Variants in MATN2 observed in about 807,000 individuals in gnomAD.
MATN2 encodes matrilin-2.
MATN2 carries 69 observed loss-of-function variants against 103.2 expected under a neutral mutation model. That is an observed-to-expected ratio of 0.67 (90% CI 0.55 to 0.82). MATN2 has a LOEUF of 0.82. Among genes scored for constraint, MATN2 ranks in the 40% least tolerant of loss-of-function variants. MATN2 has a pLI of 0.00. For missense variants in MATN2, 1,023 were observed against 1,211.5 expected (o/e 0.84, Z 2.31); for synonymous variants, 429 against 450.2 (o/e 0.95, Z 0.60).
intron 10 of MATN2, among the ~76,000 whole-genome samples, chr8:98,013,333 G>C (rs900800083): frequency 6.6e-6 from 1 of 152,176 alleles, no homozygotes; most frequent in Admixed American, 6.5e-5. Context: ...TTGCAAGGTG[G>C]GTGTGTGGGA....
chr8:98,006,724 G>A (rs1030641764), intron 8 of MATN2, among the ~76,000 whole-genome samples: 2 of 152,194 alleles, frequency 1.3e-5, no homozygotes, highest in Admixed American at 6.5e-5. Flanking sequence ...TGCTGCTGTC[G>A]TCAACACCAG....
At chr8:97,962,424 C>T (rs1811346235) in intron 5 of MATN2, among the ~76,000 whole-genome samples, 1 of 152,164 alleles carries the variant, frequency 6.6e-6, no homozygotes, top group African/African-American at 2.4e-5. Context: ...TAATTCTTAG[C>T]TAGGGATGTG....
intron 13 of MATN2, among the ~76,000 whole-genome samples, chr8:98,021,940 G>A (rs912498889): frequency 2.0e-5 from 3 of 152,174 alleles, no homozygotes; most frequent in African/African-American, 7.2e-5. Flanking sequence ...ATGGATCAGT[G>A]AGTGTCTGAA....
chr8:97,890,624 G>A (rs546485227), intron 2 of MATN2, among the ~76,000 whole-genome samples: 6 of 152,100 alleles, frequency 3.9e-5, no homozygotes, highest in African/African-American at 9.7e-5. Flanking sequence ...TCCTTGCCCC[G>A]AGGGTATGAC....
rs933707038 is a variant in MATN2 at position 98,030,598 on chromosome 8, G to A, written c.2493G>A (p.Lys831=). 4 of 1,613,884 alleles carry A rather than the reference G, an allele frequency of 2.5e-6. No homozygotes were observed. The Middle Eastern group carries it at 5.0e-4, about 200-fold the overall frequency. ...STMDEISEKL[K]KGICEALEDS... ...TGGATGAGATAAGTGAAAAACTCAA[G>A]AAAGGCATCTGTGAAGGTACTATAG... The change falls in exon 15 of 19, where the codon AAG becomes AAA. Residue 831 remains lysine (K), a synonymous_variant. Coordinates refer to ENST00000254898, the MANE Select transcript of MATN2 (RefSeq NM_002380.5).
chr8:98,023,172 G>C (rs57475063), intron 13 of MATN2, among the ~76,000 whole-genome samples: 6,128 of 152,124 alleles, frequency 0.04, 398 homozygotes, highest in African/African-American at 0.14. Flanking sequence ...CTACTTGAGA[G>C]GCTGAGGCCA....
chr8:97,947,276 G>T (rs1178242403), intron 4 of MATN2, among the ~76,000 whole-genome samples: 2 of 152,192 alleles, frequency 1.3e-5, no homozygotes, highest in African/African-American at 4.8e-5. Flanking sequence ...GGAGGCTGAG[G>T]CAGGAGAATC....
chr8:98,000,453 C>T (rs28645335), intron 7 of MATN2, among the ~76,000 whole-genome samples: 4,571 of 151,456 alleles, frequency 0.03, 209 homozygotes, highest in African/African-American at 0.1. Flanking sequence ...AAAAATTAGC[C>T]GGGTGTGGTA....
chr8:98,004,949 C>A (rs190389774), intron 8 of MATN2, among the ~76,000 whole-genome samples: 1 of 152,298 alleles, frequency 6.6e-6, no homozygotes, highest in East Asian at 1.9e-4. Context: ...CCTTGGCATG[C>A]GGGAGAGGGG....
At position 98,007,375 on chromosome 8, in the gene MATN2, C is replaced by A; in HGVS notation, c.1451-104C>A. On this transcript the variant is annotated intron_variant, in intron 9 of 18. Transcript: ENST00000254898. The surrounding 1 kb of genome is among the most constrained non-coding windows in gnomAD (Gnocchi z 4.2). ...ATAGTGAGGATGTCCACTGGGACTG[C>A]ATGCCTTCGAGGGAGGGCGGGGTGA... is the stretch of plus-strand genomic sequence containing the variant. The A allele has an allele frequency of 6.4e-7, 1 of 1,552,396 alleles. No homozygotes were observed. The highest frequency in any genetic ancestry group is 1.2e-5 in the South Asian group (1 of 83,714).
intron 4 of MATN2, among the ~76,000 whole-genome samples, chr8:97,942,435 C>T (rs1384479515): frequency 6.6e-6 from 1 of 152,180 alleles, no homozygotes; most frequent in Non-Finnish European, 1.5e-5. Flanking sequence ...TATTAGAACT[C>T]GCATTCTCTT....
At chr8:98,027,865 A>C in intron 14 of MATN2, 36 bp downstream of exon 14, 1 of 1,513,188 alleles carries the variant, frequency 6.6e-7, no homozygotes, top group East Asian at 2.3e-5. Context: ...ACACCACTCA[A>C]GGTTCAGGTT....
chr8:97,987,042 C>T (rs907002164), intron 6 of MATN2, among the ~76,000 whole-genome samples: 3 of 151,064 alleles, frequency 2.0e-5, no homozygotes, highest in Non-Finnish European at 2.9e-5. Flanking sequence ...AGGGTTTCAT[C>T]GTGTTAGCCA....
chr8:97,878,884 C>T (rs989540448), intron 1 of MATN2, among the ~76,000 whole-genome samples: 2 of 152,022 alleles, frequency 1.3e-5, no homozygotes, highest in Non-Finnish European at 2.9e-5. Context: ...AGATGTTATC[C>T]TCCTATTACA....
intron 11 of MATN2, among the ~76,000 whole-genome samples, chr8:98,017,614 C>T (rs952185024): frequency 5.9e-5 from 9 of 152,220 alleles, no homozygotes; most frequent in African/African-American, 2.2e-4. Flanking sequence ...CTAAGTCATA[C>T]ACTATGTTAG....
At chr8:97,900,760 T>G (rs951673373) in intron 2 of MATN2, among the ~76,000 whole-genome samples, 1 of 152,004 alleles carries the variant, frequency 6.6e-6, no homozygotes, top group Non-Finnish European at 1.5e-5. Flanking sequence ...ACGGTGAAAC[T>G]CCGTCTCTGC....
At chr8:97,937,583 CTTT>C (rs376203275) in intron 3 of MATN2, among the ~76,000 whole-genome samples, 3 of 89,810 alleles carry the variant, frequency 3.3e-5, no homozygotes, top group African/African-American at 4.6e-5. Context: ...TCCCCACTAA[CTTT>C]TTTTTTTTTT....
chr8:97,961,557 T>C, intron 5 of MATN2, 27 bp downstream of exon 5: 1 of 1,587,758 alleles, frequency 6.3e-7, no homozygotes, highest in Non-Finnish European at 8.6e-7. Flanking sequence ...CTGGGCTTGG[T>C]AGGGAAGGAC....
chr8:97,977,286 A>T (rs140282457), intron 5 of MATN2, among the ~76,000 whole-genome samples: 9 of 149,622 alleles, frequency 6.0e-5, no homozygotes, highest in African/African-American at 2.2e-4. Flanking sequence ...TTGATTCCCA[A>T]TGTTGGAGGT....
Sources: allele counts gnomAD v4.1 joint callset (sites outside exome capture counted in the v4.1 genomes callset), GRCh38; gene constraint gnomAD v4.1.1; non-coding constraint Gnocchi (gnomAD v3.1); transcripts MANE v1.5; gene names NCBI Gene and HGNC (gene_info 2026-07-23, HGNC 2026-07-21).